The following SYN3 variants were observed in gnomAD, a reference collection of about 807,000 sequenced individuals.
SYN3 encodes synapsin III.
A neutral mutation model predicts 65.8 loss-of-function variants in SYN3; 35 were observed. The observed-to-expected ratio is 0.53, with a 90% CI of 0.41 to 0.70. SYN3 has a LOEUF of 0.70. SYN3 is among the 30% of genes least tolerant of loss of function. The pLI is 0.00. For synonymous variants in SYN3, 270 were observed against 292.9 expected (o/e 0.92, Z 0.80); for missense variants, 680 against 749.0 (o/e 0.91, Z 1.08).
At chr22:32,952,752 C>T (rs1225947859) in intron 3 of SYN3, among the ~76,000 whole-genome samples, 1 of 152,088 alleles carries the variant, frequency 6.6e-6, no homozygotes, top group African/African-American at 2.4e-5. Context: ...AAAACCCTAT[C>T]TCAAATAAAT....
At chr22:32,965,745 A>T (rs886760466) in intron 3 of SYN3, among the ~76,000 whole-genome samples, 3 of 152,062 alleles carry the variant, frequency 2.0e-5, no homozygotes, top group Non-Finnish European at 4.4e-5. Context: ...GCCCAGGCTG[A>T]AGTGAGTGGC....
chr22:32,717,728 G>A (rs1331687625), intron 6 of SYN3, among the ~76,000 whole-genome samples: 1 of 152,158 alleles, frequency 6.6e-6, no homozygotes, highest in Non-Finnish European at 1.5e-5. Context: ...TGGTCAAGCT[G>A]AAGAGTGTGG....
intron 9 of SYN3, 25 bp from the exon 10 acceptor site, chr22:32,533,920 T>A: frequency 6.4e-7 from 1 of 1,556,620 alleles, no homozygotes; most frequent in East Asian, 2.3e-5. Context: ...GGACAGACAG[T>A]GAAGTGGCCT....
At chr22:32,924,328 C>T (rs2050412637) in intron 4 of SYN3, among the ~76,000 whole-genome samples, 1 of 152,202 alleles carries the variant, frequency 6.6e-6, no homozygotes, top group Non-Finnish European at 1.5e-5. Context: ...CATCCTGTAA[C>T]AAATCTTGCT....
chr22:32,980,785 G>T lies in SYN3; in HGVS notation c.312-83C>A, dbSNP rs1233286243. On this transcript the variant is annotated intron_variant, in intron 2 of 13. Transcript: ENST00000358763. ...CTTCTCCCAAAGGCCTTACCCCAGA[G>T]GTGCATATTGAGACACATCCTCAGC... 2.4e-6 allele frequency: 3 copies of T among 1,231,070 alleles called. No individual in the cohort carries two copies. In the Admixed American group the frequency reaches 5.1e-5, roughly 21 times the overall value. 76.3% of individuals were successfully genotyped at this position (1,231,070 alleles called of 1,614,324 possible). A position where few individuals can be genotyped will look rare whatever the true frequency, so the allele number is the denominator to read the frequency against.
chr22:32,785,248 G>A (rs1009870046), intron 6 of SYN3, among the ~76,000 whole-genome samples: 4 of 152,182 alleles, frequency 2.6e-5, no homozygotes, highest in African/African-American at 9.7e-5. Context: ...TAGAGCCAGA[G>A]TTAGAACGTC....
intron 6 of SYN3, among the ~76,000 whole-genome samples, chr22:32,612,501 C>A (rs1210457491): frequency 1.3e-5 from 2 of 151,974 alleles, no homozygotes; most frequent in Non-Finnish European, 2.9e-5. Context: ...AGAAGTGTTG[C>A]GAGTAGAAAA....
At chr22:32,790,780 A>G (rs1054431333) in intron 6 of SYN3, among the ~76,000 whole-genome samples, 2 of 152,106 alleles carry the variant, frequency 1.3e-5, no homozygotes, top group African/African-American at 4.8e-5. Flanking sequence ...TCCCGAATGT[A>G]TAACAATAGG....
intron 3 of SYN3, among the ~76,000 whole-genome samples, chr22:32,946,189 T>C (rs909525161): frequency 6.6e-6 from 1 of 152,212 alleles, no homozygotes; most frequent in Admixed American, 6.5e-5. Context: ...ATCCCATTAC[T>C]GGGTATATAC....
At chr22:32,606,459 A>G (rs2059373716) in intron 6 of SYN3, among the ~76,000 whole-genome samples, 1 of 152,220 alleles carries the variant, frequency 6.6e-6, no homozygotes, top group African/African-American at 2.4e-5. Flanking sequence ...GAGGAGGAGC[A>G]CAGACAAGAT....
chr22:33,027,205 A>G (rs1177313932), intron 1 of SYN3, among the ~76,000 whole-genome samples: 1 of 151,784 alleles, frequency 6.6e-6, no homozygotes, highest in African/African-American at 2.4e-5. Context: ...ACTCTGATAT[A>G]TATCTATCTA....
chr22:33,050,909 C>T (rs1004020875), intron 1 of SYN3, among the ~76,000 whole-genome samples: 2 of 152,178 alleles, frequency 1.3e-5, no homozygotes, highest in Admixed American at 6.5e-5. Context: ...AATTAAAACC[C>T]GTATAAAGCA....
At chr22:32,688,143 T>C (rs1472772826) in intron 6 of SYN3, among the ~76,000 whole-genome samples, 1 of 152,212 alleles carries the variant, frequency 6.6e-6, no homozygotes, top group Non-Finnish European at 1.5e-5. Context: ...CTTACGTCTA[T>C]ATACATGTAT....
At chr22:32,779,478 A>C (rs940211890) in intron 6 of SYN3, among the ~76,000 whole-genome samples, 1 of 151,994 alleles carries the variant, frequency 6.6e-6, no homozygotes, top group African/African-American at 2.4e-5. Flanking sequence ...AAAACAAACA[A>C]ACAAATCTAT....
At chr22:32,931,280 A>G in intron 4 of SYN3, 110 bp downstream of exon 4, 1 of 723,798 alleles carries the variant, frequency 1.4e-6, no homozygotes, top group Non-Finnish European at 2.5e-6. Context: ...TGTACAGGAA[A>G]GTACATGTGG....
At chr22:32,595,088 C>T (rs1255861719) in intron 7 of SYN3, among the ~76,000 whole-genome samples, 1 of 152,080 alleles carries the variant, frequency 6.6e-6, no homozygotes, top group African/African-American at 2.4e-5. Flanking sequence ...GTGGGAGACC[C>T]CCAGTGCCCC....
intron 2 of SYN3, among the ~76,000 whole-genome samples, chr22:33,002,984 C>G (rs2053104068): frequency 6.6e-6 from 1 of 152,154 alleles, no homozygotes; most frequent in South Asian, 2.1e-4. Flanking sequence ...CGAGTTCTCA[C>G]AAGAGCTGAT....
intron 6 of SYN3, among the ~76,000 whole-genome samples, chr22:32,796,101 C>T (rs937568488): frequency 3.3e-5 from 5 of 152,216 alleles, no homozygotes; most frequent in Non-Finnish European, 7.3e-5. Flanking sequence ...ATGAACTCCA[C>T]GGGCATAAGG....
intron 6 of SYN3, among the ~76,000 whole-genome samples, chr22:32,797,574 G>T (rs1408809550): frequency 6.6e-6 from 1 of 152,086 alleles, no homozygotes; most frequent in Non-Finnish European, 1.5e-5. Flanking sequence ...CGATCCAAGA[G>T]ACAAACAAGC....
Sources: allele counts gnomAD v4.1 joint callset (sites outside exome capture counted in the v4.1 genomes callset), GRCh38; gene constraint gnomAD v4.1.1; transcripts MANE v1.5; gene names NCBI Gene and HGNC (gene_info 2026-07-23, HGNC 2026-07-21).